IQCB1: variants seen among roughly 807,000 people sequenced by gnomAD.
IQCB1 encodes the protein IQ motif containing B1.
A neutral mutation model predicts 84.4 loss-of-function variants in IQCB1; 56 were observed. The observed-to-expected ratio is 0.66, with a 90% confidence interval of 0.54 to 0.83. The LOEUF (loss-of-function observed/expected upper bound fraction) is 0.83. Among genes scored for constraint, IQCB1 ranks in the 40% least tolerant of loss-of-function variants. IQCB1 has a pLI of 0.00. For synonymous variants in IQCB1, 210 were observed against 234.8 expected, an observed-to-expected ratio of 0.89 and a Z score of 0.96; for missense variants, 629 against 682.1, an observed-to-expected ratio of 0.92 and a Z score of 0.87.
chr3:121,790,068 C>T lies in IQCB1; in HGVS notation c.1129+5G>A. ...TATATTGATAAAGTTGATACTGCCA[C>T]TCACCTGGATGAACTATTTCGAGCA... is the stretch of plus-strand genomic sequence containing the variant. On this transcript the variant is annotated splice_donor_5th_base_variant and intron_variant, in intron 11 of 14. Coordinates refer to ENST00000310864, the MANE Select transcript of IQCB1 (RefSeq NM_001023570.4). 6.2e-7 allele frequency: 1 copy of T among 1,612,098 alleles called. No individual in the cohort carries two copies. The highest frequency in any genetic ancestry group is 1.1e-5 in the South Asian group (1 of 91,030).
At chr3:121,777,299 T>C (rs781646098) in intron 13 of IQCB1, among the ~76,000 whole-genome samples, 2 of 152,210 alleles carry the variant, frequency 1.3e-5, no homozygotes, top group Non-Finnish European at 2.9e-5. Context: ...CACATGTCAT[T>C]GAGTGTACCT....
At chr3:121,801,766 GC>G (rs1314722360) in intron 7 of IQCB1, among the ~76,000 whole-genome samples, 2 of 139,344 alleles carry the variant, frequency 1.4e-5, no homozygotes, top group Non-Finnish European at 3.0e-5. Flanking sequence ...CCACCGATCT[GC>G]TTTCTGAGAA....
chr3:121,800,092 G>A (rs1949346614), intron 7 of IQCB1, among the ~76,000 whole-genome samples: 1 of 151,900 alleles, frequency 6.6e-6, no homozygotes, highest in African/African-American at 2.4e-5. Context: ...AATGTAAACA[G>A]ACTCTTATTC....
At position 121,828,584 on chromosome 3, in the gene IQCB1, T is replaced by G; in HGVS notation, c.149A>C (p.Lys50Thr). Residue 50 changes from lysine to threonine, a missense_variant, in exon 4 of 15, where the codon AAA becomes ACA. By Grantham distance (78) the Lys-to-Thr change is moderately conservative. Transcript: ENST00000310864. ...PLGSSELKKI[K>T]QDIYCYDLIQ... ...GAGATCATAACAATATATATCTTGTTTGATTTTCTTCAACTCTGAGCTTCC... is the reference window on the plus strand; with the variant it reads ...GAGATCATAACAATATATATCTTGTGTGATTTTCTTCAACTCTGAGCTTCC... The G allele has an allele frequency of 3.1e-6, 5 of 1,604,866 alleles. No individual in the cohort carries two copies. Among genetic ancestry groups the G allele is most frequent in the Non-Finnish European group, 4.3e-6 (5 of 1,171,756 alleles).
At position 121,782,183 on chromosome 3, in the gene IQCB1, G is replaced by T. The variant is rs572038344; in HGVS notation, c.1279-309C>A. The stretch of plus-strand genomic sequence containing the variant: ...AACTATGATTCTGGGCAAGGCACTT[G>T]ATCTCTAGAGGACAGGTTCTATGTC... On this transcript the variant is annotated intron_variant, in intron 12 of 14. Coordinates refer to ENST00000310864, the MANE Select transcript of IQCB1 (RefSeq NM_001023570.4). Among the ~76,000 whole-genome samples, 9 of 152,314 alleles carry T rather than the reference G, an allele frequency of 5.9e-5. No individual in the cohort carries two copies. In the South Asian group the frequency reaches 1.9e-3, roughly 32 times the overall value.
At chr3:121,798,279 TC>T (rs1949277467) in intron 8 of IQCB1, among the ~76,000 whole-genome samples, 1 of 151,912 alleles carries the variant, frequency 6.6e-6, no homozygotes. Flanking sequence ...TAAAGACCTT[TC>T]TAGTTGTTTA....
chr3:121,827,356 T>C (rs1399641017), intron 4 of IQCB1, among the ~76,000 whole-genome samples: 1 of 152,156 alleles, frequency 6.6e-6, no homozygotes, highest in Non-Finnish European at 1.5e-5. Context: ...CTAAAGTTAA[T>C]GGGCTAATGC....
Position 121,825,999 on chromosome 3 carries a change from G to A in IQCB1, c.393+52C>T, listed in dbSNP as rs527842453. 6 of 1,492,896 alleles carry A rather than the reference G, an allele frequency of 4.0e-6. No individual in the cohort carries two copies. The East Asian group carries it at 1.1e-4, about 28-fold the overall frequency. The allele number at this position is 1,492,896 out of a possible 1,614,324, so 92.5% of individuals were successfully genotyped here. A position where few individuals can be genotyped will look rare whatever the true frequency, so the allele number is the denominator to read the frequency against. On this transcript the variant is annotated intron_variant, in intron 5 of 14. Transcript: ENST00000310864. ...TGCACATTTAAAAAATAACAGAACA[G>A]CTTCTTAAGAATTAAACTGATTTAG...
chr3:121,788,899 T>C (rs3934935), intron 11 of IQCB1, among the ~76,000 whole-genome samples: 97,877 of 151,934 alleles, frequency 0.64, 32,001 homozygotes, highest in African/African-American at 0.72. Flanking sequence ...GTTCACAGTA[T>C]ATATGTGACA....
chr3:121,778,774 C>T (rs1948346031), intron 13 of IQCB1, among the ~76,000 whole-genome samples: 2 of 151,766 alleles, frequency 1.3e-5, no homozygotes, highest in Admixed American at 1.3e-4. Flanking sequence ...AGCATGATGG[C>T]AGGCGCCTGT....
Position 121,770,324 on chromosome 3 carries a change from G to A in IQCB1, c.*21C>T, listed in dbSNP as rs2108502796. 1 of 1,479,794 alleles carries A rather than the reference G, an allele frequency of 6.8e-7. No homozygotes were observed. Among genetic ancestry groups the A allele is most frequent in the Non-Finnish European group, 9.4e-7 (1 of 1,058,608 alleles). 91.7% of individuals were successfully genotyped at this position (1,479,794 alleles called of 1,614,324 possible). ...TAATCTCCTAAAATATGAGATTTGT[G>A]TCAATTCTTAGGGTTACTCACTAAG... On this transcript the variant is annotated 3_prime_UTR_variant, in exon 15 of 15. Transcript: ENST00000310864.
chr3:121,782,008 C>T, intron 12 of IQCB1, 134 bp from the exon 13 acceptor site: 5 of 871,870 alleles, frequency 5.7e-6, no homozygotes, highest in Non-Finnish European at 9.2e-6. Flanking sequence ...GGGAATGGGA[C>T]TGTGACAAAA....
At chr3:121,788,499 A>G (rs888763938) in intron 11 of IQCB1, 67 bp from the exon 12 acceptor site, 2 of 1,355,310 alleles carry the variant, frequency 1.5e-6, no homozygotes, top group Admixed American at 1.7e-5. Context: ...TGGAATCAGG[A>G]CAATGATAAT....
At chr3:121,832,068 A>T (rs971586186) in intron 2 of IQCB1, among the ~76,000 whole-genome samples, 10 of 152,304 alleles carry the variant, frequency 6.6e-5, no homozygotes, top group African/African-American at 2.4e-4. Flanking sequence ...TTAGATGAAA[A>T]TTGGTATGAT....
At position 121,828,459 on chromosome 3, in the gene IQCB1, C is replaced by T. The variant is rs756657931; in HGVS notation, c.263+11G>A. On this transcript the variant is annotated intron_variant, in intron 4 of 14. Transcript: ENST00000310864. ...TCCCTCAAGAACAGCTGACTTACTGCTTTATTTTACCTTAATATCTGTGTA... is the reference window on the plus strand; with the variant it reads ...TCCCTCAAGAACAGCTGACTTACTGTTTTATTTTACCTTAATATCTGTGTA... The T allele has an allele frequency of 6.2e-7, 1 of 1,608,826 alleles. No homozygotes were observed. The highest frequency in any genetic ancestry group is 2.2e-5 in the East Asian group (1 of 44,752).
At chr3:121,798,819 C>T (rs1949297572) in intron 8 of IQCB1, among the ~76,000 whole-genome samples, 1 of 151,774 alleles carries the variant, frequency 6.6e-6, no homozygotes, top group African/African-American at 2.4e-5. Flanking sequence ...GTTCAAAATA[C>T]CATAAGGGCC....
At chr3:121,817,884 C>T (rs1013255068) in intron 5 of IQCB1, among the ~76,000 whole-genome samples, 2 of 152,042 alleles carry the variant, frequency 1.3e-5, no homozygotes, top group Admixed American at 1.3e-4. Flanking sequence ...AGAGCTCCCT[C>T]TCCCTCTCCA....
intron 4 of IQCB1, among the ~76,000 whole-genome samples, chr3:121,828,157 A>G (rs1288422661): frequency 6.6e-6 from 1 of 152,152 alleles, no homozygotes; most frequent in African/African-American, 2.4e-5. Context: ...TCAGGTACAG[A>G]GCCAGTGCCT....
Position 121,793,393 on chromosome 3 carries a change from C to G in IQCB1, c.986+2064G>C, listed in dbSNP as rs573108948. Among the ~76,000 whole-genome samples the G allele has an allele frequency of 7.9e-5, 12 of 152,012 alleles. 1 individual carries two copies. In the South Asian group the frequency reaches 2.5e-3, roughly 32 times the overall value. On this transcript the variant is annotated intron_variant, in intron 10 of 14. Transcript: ENST00000310864. ...CTAAAGAACACTAATCAACCTGGAC[C>G]CATAAGTGTGACCAGTGGGCAGTCT...
Sources: allele counts gnomAD v4.1 joint callset (sites outside exome capture counted in the v4.1 genomes callset), GRCh38; gene constraint gnomAD v4.1.1; transcripts MANE v1.5; gene names NCBI Gene and HGNC (gene_info 2026-07-23, HGNC 2026-07-21).